The following DERA variants were observed in gnomAD, a reference collection of about 807,000 sequenced individuals.
The protein encoded by DERA is deoxyribose-phosphate aldolase.
In DERA, 15 loss-of-function variants were observed where a neutral mutation model predicts 41.1. That is an observed-to-expected ratio of 0.37 (90% CI 0.24 to 0.56). The LOEUF (loss-of-function observed/expected upper bound fraction) is 0.56. Ranked by LOEUF, DERA falls within the 20% of genes least tolerant of loss-of-function variation. The pLI is 0.81. For missense variants in DERA, 396 were observed against 403.4 expected, an observed-to-expected ratio of 0.98 and a Z score of 0.16; for synonymous variants, 139 against 137.4, an observed-to-expected ratio of 1.01 and a Z score of -0.08.
rs921484517 is a variant in DERA, at chr12:16,020,356, C to T, written c.638-12186C>T. 5.3e-5 allele frequency among the ~76,000 whole-genome samples: 8 copies of T among 152,184 alleles called. No homozygotes were observed. Among genetic ancestry groups the T allele is most frequent in the African/African-American group, 9.6e-5 (4 of 41,528 alleles). ...TTAACTCACTATTGCGAGAACAGCA[C>T]GAAAGGGGAAATCTACCCCCATGAT... is the stretch of plus-strand genomic sequence containing the variant. On this transcript the variant is annotated intron_variant, in intron 6 of 8. Transcript: ENST00000428559. This position sits in a 1 kb window ranked among gnomAD's most constrained non-coding sequence, Gnocchi z 5.5.
chr12:16,032,500 G>T (rs375141435), intron 6 of DERA, 42 bp from the exon 7 acceptor site: 46 of 1,147,134 alleles, frequency 4.0e-5, no homozygotes, highest in Non-Finnish European at 5.4e-5. Context: ...TGTAAAAAAA[G>T]AATCTTTAAT....
chr12:16,005,844 G>A (rs1948906790), intron 6 of DERA, among the ~76,000 whole-genome samples: 1 of 152,312 alleles, frequency 6.6e-6, no homozygotes, highest in East Asian at 1.9e-4. Context: ...AGAAGATTAT[G>A]CTCTGTGGGA....
In DERA at chr12:15,946,768, C is replaced by G. The variant is rs533340980; in HGVS notation, c.32-10168C>G. On this transcript the variant is annotated intron_variant, in intron 1 of 8. Coordinates refer to ENST00000428559, the MANE Select transcript of DERA (RefSeq NM_015954.4). ...TCAGTTATTTTTTGCCTTCTGCTAG[C>G]TGTTAAATGTGTTCGCTCTTGCTTC... Among the ~76,000 whole-genome samples the G allele has an allele frequency of 3.3e-5, 5 of 152,262 alleles. No individual in the cohort carries two copies. The East Asian group carries it at 9.6e-4, about 29-fold the overall frequency.
At chr12:15,955,115 C>T (rs1340160923) in intron 1 of DERA, among the ~76,000 whole-genome samples, 1 of 151,978 alleles carries the variant, frequency 6.6e-6, no homozygotes, top group Non-Finnish European at 1.5e-5. Context: ...GCCTGGCCAA[C>T]ATGGTGAAAC....
At position 15,967,270 on chromosome 12, in the gene DERA, G is replaced by A. The variant is rs1417603136; in HGVS notation, c.508+4323G>A. ...GCTACTCAAGGTTGGGCCTGAGATG[G>A]GAGGATTCCTTGAATGTGGGAGGAT... is the stretch of plus-strand genomic sequence containing the variant. On this transcript the variant is annotated intron_variant, in intron 5 of 8. Coordinates refer to ENST00000428559, the MANE Select transcript of DERA (RefSeq NM_015954.4). This position sits in a 1 kb window ranked among gnomAD's most constrained non-coding sequence, Gnocchi z 4.9. Among the ~76,000 whole-genome samples the A allele has an allele frequency of 1.3e-5, 2 of 152,000 alleles. No individual in the cohort carries two copies. The highest frequency in any genetic ancestry group is 4.8e-5 in the African/African-American group (2 of 41,382).
At chr12:16,027,207 T>C (rs1472970501) in intron 6 of DERA, among the ~76,000 whole-genome samples, 1 of 152,242 alleles carries the variant, frequency 6.6e-6, no homozygotes, top group East Asian at 1.9e-4. Context: ...AATTGCGTGC[T>C]TTCCTCCTAA....
chr12:16,032,870 G>A (rs566205171), intron 7 of DERA: 21 of 494,742 alleles, frequency 4.2e-5, no homozygotes, highest in African/African-American at 4.0e-4. Flanking sequence ...GTGAGTATGT[G>A]TGATCAAGAT....
chr12:16,016,791 CAAAAAAAAA>C (rs55996641), intron 6 of DERA, among the ~76,000 whole-genome samples: 24 of 58,674 alleles, frequency 4.1e-4, no homozygotes, highest in South Asian at 2.1e-3. Flanking sequence ...GACCCTGTCT[CAAAAAAAAA>C]AAAAAAAAAA....
intron 1 of DERA, among the ~76,000 whole-genome samples, chr12:15,912,216 ACT>A (rs1331179446): frequency 1.3e-5 from 2 of 151,520 alleles, no homozygotes; most frequent in Non-Finnish European, 2.9e-5. Flanking sequence ...AGTGGTGATG[ACT>A]CTTAACGAGC....
chr12:15,938,399 TA>T lies in DERA; in HGVS notation c.32-18536del, dbSNP rs1296560117. Among the ~76,000 whole-genome samples the T allele has an allele frequency of 1.3e-5, 2 of 152,214 alleles. No individual in the cohort carries two copies. The highest frequency in any genetic ancestry group is 2.9e-5 in the Non-Finnish European group (2 of 68,032). On this transcript the variant is annotated intron_variant, in intron 1 of 8. Coordinates refer to ENST00000428559, the MANE Select transcript of DERA (RefSeq NM_015954.4). The surrounding 1 kb of genome is among the most constrained non-coding windows in gnomAD (Gnocchi z 4.1). Reference sequence around the variant, plus strand: ...TAAAAAATTCATTCTAACACTAAAATATACTCATGTACATCAAAGCCAAAAA... The same window carrying T: ...TAAAAAATTCATTCTAACACTAAAATTACTCATGTACATCAAAGCCAAAAA...
rs921687745 is a variant in DERA, at chr12:16,026,266, C to A, written c.638-6276C>A. ...CTAAAAGCTACTTTTTTTTTTCTCC[C>A]CCCGTAAGATTGGTAAACAGCTAGC... On this transcript the variant is annotated intron_variant, in intron 6 of 8. Coordinates refer to ENST00000428559, the MANE Select transcript of DERA (RefSeq NM_015954.4). This position sits in a 1 kb window ranked among gnomAD's most constrained non-coding sequence, Gnocchi z 4.4. Among the ~76,000 whole-genome samples the A allele has an allele frequency of 1.4e-4, 21 of 150,586 alleles. No homozygotes were observed. Among genetic ancestry groups the A allele is most frequent in the African/African-American group, 2.4e-5 (1 of 41,104 alleles).
chr12:15,993,013 G>A lies in DERA; in HGVS notation c.637+10577G>A, dbSNP rs141518572. The stretch of plus-strand genomic sequence containing the variant: ...AAAAATATGGGGCTTGAGAAAAGCA[G>A]ACCTTGAAGGAATACAAAATGAGTT... On this transcript the variant is annotated intron_variant, in intron 6 of 8. Coordinates refer to ENST00000428559, the MANE Select transcript of DERA (RefSeq NM_015954.4). The surrounding 1 kb of genome is among the most constrained non-coding windows in gnomAD (Gnocchi z 4.4). 5.7e-3 allele frequency among the ~76,000 whole-genome samples: 871 copies of A among 152,272 alleles called. 8 individuals are homozygous for A. The highest frequency in any genetic ancestry group is 0.014 in the Middle Eastern group (4 of 294).
Position 15,988,340 on chromosome 12 carries a change from G to A in DERA, c.637+5904G>A, listed in dbSNP as rs12313725. 0.44 allele frequency among the ~76,000 whole-genome samples: 66,531 copies of A among 151,994 alleles called. 15,756 individuals are homozygous for A. Among genetic ancestry groups the A allele is most frequent in the Non-Finnish European group, 0.53 (35,853 of 67,950 alleles). On this transcript the variant is annotated intron_variant, in intron 6 of 8. Coordinates refer to ENST00000428559, the MANE Select transcript of DERA (RefSeq NM_015954.4). The surrounding 1 kb of genome is among the most constrained non-coding windows in gnomAD (Gnocchi z 6.0). ...AAAGAAGTACTTGGACAACTGGAGGGTGAGCAAGGCACAGAGGAGCTTCAT... is the reference window on the plus strand; with the variant it reads ...AAAGAAGTACTTGGACAACTGGAGGATGAGCAAGGCACAGAGGAGCTTCAT...
In DERA at chr12:16,019,996, G is replaced by A. The variant is rs1403976821; in HGVS notation, c.638-12546G>A. On this transcript the variant is annotated intron_variant, in intron 6 of 8. Transcript: ENST00000428559. The surrounding 1 kb of genome is among the most constrained non-coding windows in gnomAD (Gnocchi z 4.4). ...AGATCTGGTTTTTTAAAAGAGCATG[G>A]CACCTCCCCGCATCTCACTCCCACT... Among the ~76,000 whole-genome samples, 1 of 152,000 alleles carries A rather than the reference G, an allele frequency of 6.6e-6. No individual in the cohort carries two copies. The highest frequency in any genetic ancestry group is 2.4e-5 in the African/African-American group (1 of 41,380).
chr12:15,918,448 A>G lies in DERA; in HGVS notation c.31+7034A>G, dbSNP rs189722991. Among the ~76,000 whole-genome samples, 30 of 152,108 alleles carry G rather than the reference A, an allele frequency of 2.0e-4. No homozygotes were observed. The highest frequency in any genetic ancestry group is 1.2e-3 in the Admixed American group (18 of 15,296). The stretch of plus-strand genomic sequence containing the variant: ...CACTCTGGGCCATAGTGGTGCCCCC[A>G]TTTCAACCCGGCTTGAATGACTACG... On this transcript the variant is annotated intron_variant, in intron 1 of 8. Coordinates refer to ENST00000428559, the MANE Select transcript of DERA (RefSeq NM_015954.4). The surrounding 1 kb of genome is among the most constrained non-coding windows in gnomAD (Gnocchi z 4.3).
chr12:15,950,706 G>A (rs1013775515), intron 1 of DERA, among the ~76,000 whole-genome samples: 1 of 152,152 alleles, frequency 6.6e-6, no homozygotes, highest in Admixed American at 6.5e-5. Flanking sequence ...TTTATTATCA[G>A]ATTTTCCTGG....
At chr12:16,032,198 C>A (rs895804332) in intron 6 of DERA, among the ~76,000 whole-genome samples, 1 of 151,984 alleles carries the variant, frequency 6.6e-6, no homozygotes, top group African/African-American at 2.4e-5. Context: ...TAAAATGTTA[C>A]GATGTATAAT....
chr12:15,934,775 A>T (rs1024450116), intron 1 of DERA, among the ~76,000 whole-genome samples: 3 of 152,150 alleles, frequency 2.0e-5, no homozygotes, highest in Non-Finnish European at 4.4e-5. Context: ...TATAGTCCCA[A>T]CCTGGCAAGT....
chr12:15,969,598 G>A (rs1948646454), intron 5 of DERA, among the ~76,000 whole-genome samples: 1 of 152,140 alleles, frequency 6.6e-6, no homozygotes, highest in African/African-American at 2.4e-5. Flanking sequence ...TCTGGCCTGT[G>A]AAGTACATAC....
Sources: gnomAD v4.1 joint callset for allele counts (sites outside exome capture counted in the v4.1 genomes callset) on GRCh38, gnomAD v4.1.1 for gene constraint, Gnocchi (gnomAD v3.1) non-coding constraint, MANE v1.5 for transcripts, NCBI Gene and HGNC (gene_info 2026-07-23, HGNC 2026-07-21) for gene names.